Variants in PCMTD1 observed in about 807,000 individuals in gnomAD.
The protein encoded by PCMTD1 is protein-L-isoaspartate (D-aspartate) O-methyltransferase domain containing 1.
In PCMTD1, 12 loss-of-function variants were observed where a neutral mutation model predicts 37.6. That is an observed-to-expected ratio of 0.32 (90% CI 0.20 to 0.52). The LOEUF is 0.52. Ranked by LOEUF, PCMTD1 falls within the 20% of genes least tolerant of loss-of-function variation. PCMTD1 has a pLI of 0.97. For synonymous variants in PCMTD1, 117 were observed against 135.8 expected, an observed-to-expected ratio of 0.86 and a Z score of 0.96; for missense variants, 235 against 421.3, an observed-to-expected ratio of 0.56 and a Z score of 3.87.
At position 51,871,704 on chromosome 8, in the gene PCMTD1, G is replaced by A. The variant is rs1033121687; in HGVS notation, c.-95-10458C>T. ...TTGCATGGTCTTAGCGAACATCTAA[G>A]AAACAACTGTTGACTAAGTGTAAAA... On this transcript the variant is annotated intron_variant, in intron 1 of 5. Coordinates refer to ENST00000522514, the MANE Select transcript of PCMTD1 (RefSeq NM_052937.4). Among the ~76,000 whole-genome samples, 24 of 152,146 alleles carry A rather than the reference G, an allele frequency of 1.6e-4. 1 individual carries two copies. Among genetic ancestry groups the A allele is most frequent in the Non-Finnish European group, 2.9e-5 (2 of 68,012 alleles).
intron 1 of PCMTD1, among the ~76,000 whole-genome samples, chr8:51,874,621 A>AGC (rs2038687174): frequency 9.4e-5 from 1 of 10,624 alleles, no homozygotes; most frequent in Admixed American, 2.0e-3. Flanking sequence ...GCAGCCAAAC[A>AGC]GTGTAAAATT....
At chr8:51,877,244 T>C (rs1457897142) in intron 1 of PCMTD1, among the ~76,000 whole-genome samples, 6 of 152,234 alleles carry the variant, frequency 3.9e-5, no homozygotes, top group Non-Finnish European at 8.8e-5. Context: ...ATGCGGTCAC[T>C]TTACTGCTCT....
chr8:51,886,290 A>C (rs554085377), intron 1 of PCMTD1, among the ~76,000 whole-genome samples: 43 of 152,308 alleles, frequency 2.8e-4, no homozygotes, highest in African/African-American at 9.9e-4. Flanking sequence ...TTCACTGGGG[A>C]GGAAAGTTCT....
chr8:51,853,658 T>C (rs946126088), intron 2 of PCMTD1, among the ~76,000 whole-genome samples: 4 of 152,116 alleles, frequency 2.6e-5, no homozygotes, highest in African/African-American at 9.7e-5. Flanking sequence ...TGAGAACTCA[T>C]CCTGGTAGAG....
At chr8:51,844,937 T>C (rs1346384311) in intron 3 of PCMTD1, 1 of 152,244 alleles carries the variant, frequency 6.6e-6, no homozygotes, top group East Asian at 1.9e-4. Flanking sequence ...TTTAACACTT[T>C]TTCTCTTTGA....
intron 1 of PCMTD1, among the ~76,000 whole-genome samples, chr8:51,883,254 C>A (rs991113065): frequency 6.6e-6 from 1 of 152,086 alleles, no homozygotes; most frequent in African/African-American, 2.4e-5. Context: ...AAAGTATTAT[C>A]ATCAGATTAT....
At chr8:51,837,820 C>T (rs915757208) in intron 3 of PCMTD1, among the ~76,000 whole-genome samples, 1 of 152,114 alleles carries the variant, frequency 6.6e-6, no homozygotes, top group East Asian at 1.9e-4. Context: ...TGCTTTGTTG[C>T]CCAGGCTGGA....
intron 3 of PCMTD1, among the ~76,000 whole-genome samples, chr8:51,835,505 G>A (rs2038056374): frequency 6.6e-6 from 1 of 152,042 alleles, no homozygotes; most frequent in Non-Finnish European, 1.5e-5. Flanking sequence ...AGATCACATG[G>A]TTTAATCATC....
chr8:51,885,816 A>T (rs202225815), intron 1 of PCMTD1, among the ~76,000 whole-genome samples: 4 of 27,822 alleles, frequency 1.4e-4, no homozygotes, highest in Admixed American at 2.3e-3. Flanking sequence ...ATGTCTCTAC[A>T]GGGGCATACG....
intron 2 of PCMTD1, among the ~76,000 whole-genome samples, chr8:51,848,676 TACTACCTTGAC>T (rs2038259251): frequency 6.6e-6 from 1 of 152,222 alleles, no homozygotes; most frequent in Non-Finnish European, 1.5e-5. Flanking sequence ...TTGTTTTTCA[TACTACCTTGAC>T]ACAAGATATT....
chr8:51,856,370 T>G (rs548391990), intron 2 of PCMTD1, among the ~76,000 whole-genome samples: 5 of 152,330 alleles, frequency 3.3e-5, no homozygotes, highest in African/African-American at 1.2e-4. Context: ...CAAGTATTAG[T>G]GAGGATGTGA....
chr8:51,875,271 T>C (rs1027688173), intron 1 of PCMTD1, among the ~76,000 whole-genome samples: 1 of 152,210 alleles, frequency 6.6e-6, no homozygotes. Flanking sequence ...GGTTTTCCTA[T>C]TATTTTTATT....
At chr8:51,851,471 A>G (rs1585813993) in intron 2 of PCMTD1, among the ~76,000 whole-genome samples, 1 of 152,302 alleles carries the variant, frequency 6.6e-6, no homozygotes, top group Non-Finnish European at 1.5e-5. Flanking sequence ...ATTTCTACAC[A>G]ATGTACTAAT....
chr8:51,852,999 G>A (rs1232384775), intron 2 of PCMTD1, among the ~76,000 whole-genome samples: 1 of 152,304 alleles, frequency 6.6e-6, no homozygotes, highest in East Asian at 1.9e-4. Flanking sequence ...CAGCTTGGAA[G>A]ATCAAGAGTG....
intron 4 of PCMTD1, among the ~76,000 whole-genome samples, chr8:51,832,515 T>C (rs999262613): frequency 2.0e-5 from 3 of 152,242 alleles, no homozygotes; most frequent in African/African-American, 4.8e-5. Context: ...GTCTCAGTCA[T>C]CTTAGATACT....
intron 1 of PCMTD1, among the ~76,000 whole-genome samples, chr8:51,864,445 T>A (rs2038521534): frequency 6.6e-6 from 1 of 152,208 alleles, no homozygotes. Flanking sequence ...GAAATGAGTA[T>A]TCCCCAGGAT....
chr8:51,834,614 G>C (rs112929567), intron 3 of PCMTD1, among the ~76,000 whole-genome samples: 1 of 151,176 alleles, frequency 6.6e-6, no homozygotes, highest in African/African-American at 2.4e-5. Flanking sequence ...TATTATTTGA[G>C]GATGAAATAA....
At chr8:51,850,701 G>A (rs1403106928) in intron 2 of PCMTD1, among the ~76,000 whole-genome samples, 1 of 152,094 alleles carries the variant, frequency 6.6e-6, no homozygotes, top group Admixed American at 6.5e-5. Flanking sequence ...AGGGGGAGTA[G>A]GTGGATCAGT....
At chr8:51,845,787 T>TA (rs747547990) in intron 2 of PCMTD1, 24 bp from the exon 3 acceptor site, 49 of 1,506,298 alleles carry the variant, frequency 3.3e-5, no homozygotes, top group South Asian at 2.6e-4. Flanking sequence ...AGCATTTTTA[T>TA]AAAAAATATT....
Sources: allele counts gnomAD v4.1 joint callset (sites outside exome capture counted in the v4.1 genomes callset), GRCh38; gene constraint gnomAD v4.1.1; transcripts MANE v1.5; gene names NCBI Gene and HGNC (gene_info 2026-07-23, HGNC 2026-07-21).